Variants in UNC5D observed in about 807,000 individuals in gnomAD.
The protein encoded by UNC5D is unc-5 netrin receptor D.
UNC5D carries 39 observed loss-of-function variants against 105.4 expected under a neutral mutation model. The observed-to-expected ratio is 0.37, with a 90% CI of 0.29 to 0.48. UNC5D has a LOEUF of 0.48. Ranked by LOEUF, UNC5D falls within the 20% of genes least tolerant of loss-of-function variation. The pLI is 0.98. For synonymous variants in UNC5D, 452 were observed against 450.4 expected (o/e 1.00, Z -0.04); for missense variants, 991 against 1,202.4 (o/e 0.82, Z 2.60).
At chr8:35,326,039 G>A (rs1209341348) in intron 1 of UNC5D, among the ~76,000 whole-genome samples, 9 of 152,264 alleles carry the variant, frequency 5.9e-5, no homozygotes, top group African/African-American at 2.2e-4. Context: ...GATTAAAAAT[G>A]GGACCAGTGA....
chr8:35,404,112 C>CT (rs1207011403), intron 1 of UNC5D, among the ~76,000 whole-genome samples: 1 of 152,202 alleles, frequency 6.6e-6, no homozygotes, highest in Non-Finnish European at 1.5e-5. Flanking sequence ...CATGAAGTTG[C>CT]TAGAGCCTCT....
intron 1 of UNC5D, among the ~76,000 whole-genome samples, chr8:35,327,356 T>C (rs1810246192): frequency 6.6e-6 from 1 of 152,232 alleles, no homozygotes; most frequent in South Asian, 2.1e-4. Flanking sequence ...GCATGCCTGC[T>C]TCCCACATTG....
intron 1 of UNC5D, among the ~76,000 whole-genome samples, chr8:35,280,788 G>T (rs557194984): frequency 6.6e-6 from 1 of 152,114 alleles, no homozygotes; most frequent in South Asian, 2.1e-4. Context: ...TATTTCAGTG[G>T]ACTTCTCTAT....
Position 35,407,812 on chromosome 8 carries a change from T to G in UNC5D, c.104-141480T>G, listed in dbSNP as rs557431533. Among the ~76,000 whole-genome samples, 4 of 152,264 alleles carry G rather than the reference T, an allele frequency of 2.6e-5. No homozygotes were observed. In the South Asian group the frequency reaches 8.3e-4, roughly 32 times the overall value. On this transcript the variant is annotated intron_variant, in intron 1 of 16. Transcript: ENST00000404895. ...AGTATTTGGTTTTCTGTTTCTGTGT[T>G]AGTTTGCTAAGGATAATGGCCTCCA...
At chr8:35,401,449 A>T (rs1804457783) in intron 1 of UNC5D, among the ~76,000 whole-genome samples, 1 of 152,182 alleles carries the variant, frequency 6.6e-6, no homozygotes, top group Non-Finnish European at 1.5e-5. Flanking sequence ...CGGCCACTGC[A>T]CTCCAGCCTG....
intron 10 of UNC5D, among the ~76,000 whole-genome samples, chr8:35,728,044 G>T (rs947696745): frequency 8.3e-6 from 1 of 121,034 alleles, no homozygotes; most frequent in Non-Finnish European, 1.6e-5. Context: ...CGAGACCAGC[G>T]AGGGCAACAT....
chr8:35,633,366 A>C (rs1320576285), intron 4 of UNC5D, among the ~76,000 whole-genome samples: 1 of 152,196 alleles, frequency 6.6e-6, no homozygotes, highest in Admixed American at 6.5e-5. Context: ...ACCACAGCCA[A>C]TAATTTTATA....
intron 4 of UNC5D, among the ~76,000 whole-genome samples, chr8:35,636,691 G>A (rs1822394808): frequency 6.6e-6 from 1 of 152,152 alleles, no homozygotes; most frequent in Admixed American, 6.5e-5. Flanking sequence ...GGATGGGGTA[G>A]GGGAGACTCC....
At chr8:35,442,389 A>G (rs1381609155) in intron 1 of UNC5D, among the ~76,000 whole-genome samples, 1 of 151,938 alleles carries the variant, frequency 6.6e-6, no homozygotes, top group Non-Finnish European at 1.5e-5. Context: ...CCCAGCATGT[A>G]TGAAAGATTG....
chr8:35,407,552 T>C (rs923817856), intron 1 of UNC5D, among the ~76,000 whole-genome samples: 1 of 152,068 alleles, frequency 6.6e-6, no homozygotes, highest in Admixed American at 6.6e-5. Flanking sequence ...TATGTATTCC[T>C]TTTAAGTTCA....
intron 1 of UNC5D, among the ~76,000 whole-genome samples, chr8:35,510,249 G>A (rs1812605284): frequency 7.0e-6 from 1 of 143,628 alleles, no homozygotes; most frequent in Non-Finnish European, 1.5e-5. Flanking sequence ...TCTTTCCAGT[G>A]ACCAGCCCCC....
At chr8:35,520,306 C>T (rs531633346) in intron 1 of UNC5D, among the ~76,000 whole-genome samples, 5 of 152,198 alleles carry the variant, frequency 3.3e-5, no homozygotes, top group South Asian at 2.1e-4. Context: ...AGAGGCCAGT[C>T]GCAAATGGTC....
At chr8:35,559,646 T>C (rs1816816028) in intron 2 of UNC5D, among the ~76,000 whole-genome samples, 1 of 152,204 alleles carries the variant, frequency 6.6e-6, no homozygotes, top group Non-Finnish European at 1.5e-5. Context: ...CTCTATTTTG[T>C]CCAGAACAAG....
rs1388011192 is a variant in UNC5D, at chr8:35,256,220, A to G, written c.103+20333A>G. 1.3e-5 allele frequency: 2 copies of G among 152,312 alleles called. 1 individual carries two copies. The highest frequency in any genetic ancestry group is 3.9e-4 in the East Asian group (2 of 5,184). 9.4% of individuals were successfully genotyped at this position (152,312 alleles called of 1,614,324 possible). On this transcript the variant is annotated intron_variant, in intron 1 of 16. Transcript: ENST00000404895. Reference sequence around the variant, plus strand: ...CTTGTTATTTTCTAAATCTTTGTATACTTGTTTGGGACATTTTAGTCACTG... The same window carrying G: ...CTTGTTATTTTCTAAATCTTTGTATGCTTGTTTGGGACATTTTAGTCACTG...
At chr8:35,507,670 A>G (rs1812425423) in intron 1 of UNC5D, among the ~76,000 whole-genome samples, 1 of 152,140 alleles carries the variant, frequency 6.6e-6, no homozygotes, top group Non-Finnish European at 1.5e-5. Context: ...AAAAAAATAG[A>G]ATGTGCAAAT....
intron 1 of UNC5D, among the ~76,000 whole-genome samples, chr8:35,532,406 C>T (rs1423084255): frequency 5.3e-5 from 7 of 132,128 alleles, no homozygotes; most frequent in African/African-American, 1.2e-4. Flanking sequence ...GGGTTTCTGC[C>T]GAGAGATCCG....
At chr8:35,682,685 C>T (rs181073119) in intron 4 of UNC5D, among the ~76,000 whole-genome samples, 2 of 152,298 alleles carry the variant, frequency 1.3e-5, no homozygotes, top group South Asian at 2.1e-4. Context: ...CACTTGAAGT[C>T]AATTGAGGAT....
At chr8:35,497,407 T>A (rs1457882347) in intron 1 of UNC5D, among the ~76,000 whole-genome samples, 1 of 152,222 alleles carries the variant, frequency 6.6e-6, no homozygotes. Context: ...TCCCTACTGC[T>A]GTTTTCTCAA....
At chr8:35,276,258 C>A (rs1159282618) in intron 1 of UNC5D, among the ~76,000 whole-genome samples, 1 of 152,076 alleles carries the variant, frequency 6.6e-6, no homozygotes, top group Non-Finnish European at 1.5e-5. Flanking sequence ...TATAATAGAT[C>A]AAAGTTTATA....
Sources: allele counts gnomAD v4.1 joint callset (sites outside exome capture counted in the v4.1 genomes callset), GRCh38; gene constraint gnomAD v4.1.1; transcripts MANE v1.5; gene names NCBI Gene and HGNC (gene_info 2026-07-23, HGNC 2026-07-21).